The following CA10 variants were observed in gnomAD, a reference collection of about 807,000 sequenced individuals.
CA10 encodes the protein carbonic anhydrase 10 (inactive).
In CA10, 14 loss-of-function variants were observed where a neutral mutation model predicts 44.2. The observed-to-expected ratio is 0.32, with a 90% CI of 0.21 to 0.50. CA10 has a LOEUF of 0.50. Among genes scored for constraint, CA10 ranks in the 20% least tolerant of loss-of-function variants. The pLI is 0.99. For missense variants in CA10, 350 were observed against 409.7 expected (o/e 0.85, Z 1.26); for synonymous variants, 159 against 141.6 (o/e 1.12, Z -0.87).
chr17:51,940,425 C>A (rs964578901), intron 2 of CA10, among the ~76,000 whole-genome samples: 2 of 152,040 alleles, frequency 1.3e-5, no homozygotes, highest in African/African-American at 4.8e-5. Context: ...TCCTAGGAAC[C>A]CTTAAGCTGT....
At position 51,890,360 on chromosome 17, in the gene CA10, T is replaced by A. The variant is rs190857686; in HGVS notation, c.279+40630A>T. 1.8e-4 allele frequency among the ~76,000 whole-genome samples: 28 copies of A among 152,316 alleles called. 1 individual carries two copies. The East Asian group carries it at 5.2e-3, about 28-fold the overall frequency. On this transcript the variant is annotated intron_variant, in intron 3 of 8. Coordinates refer to ENST00000451037, the MANE Select transcript of CA10 (RefSeq NM_020178.5). Reference sequence around the variant, plus strand: ...GTTCGTAAATTCTCGAGTTTAAGACTTGTTGCCATTTGCTCAATATTTTTG... The same window carrying A: ...GTTCGTAAATTCTCGAGTTTAAGACATGTTGCCATTTGCTCAATATTTTTG...
chr17:51,764,915 G>A (rs1905317181), intron 3 of CA10, among the ~76,000 whole-genome samples: 2 of 152,204 alleles, frequency 1.3e-5, no homozygotes, highest in African/African-American at 4.8e-5. Flanking sequence ...TTACTGTGAA[G>A]GGCCTGCAAT....
intron 2 of CA10, among the ~76,000 whole-genome samples, chr17:51,966,926 C>T (rs933157391): frequency 6.6e-6 from 1 of 151,862 alleles, no homozygotes; most frequent in Non-Finnish European, 1.5e-5. Flanking sequence ...ACCACACCTA[C>T]AGAATGGGAG....
Position 51,946,930 on chromosome 17 carries a change from C to T in CA10, c.137-15798G>A, listed in dbSNP as rs183274727. ...AATGCTACCACACCACACAGCTGGACCTTTCTCTTATTCTTGTTTACTTGC... is the reference window on the plus strand; with the variant it reads ...AATGCTACCACACCACACAGCTGGATCTTTCTCTTATTCTTGTTTACTTGC... On this transcript the variant is annotated intron_variant, in intron 2 of 8. Transcript: ENST00000451037. 6.6e-5 allele frequency among the ~76,000 whole-genome samples: 10 copies of T among 152,142 alleles called. No individual in the cohort carries two copies. The East Asian group carries it at 1.7e-3, about 27-fold the overall frequency.
chr17:52,133,142 A>G (rs1476333164), intron 1 of CA10, among the ~76,000 whole-genome samples: 2 of 152,180 alleles, frequency 1.3e-5, no homozygotes, highest in Admixed American at 6.5e-5. Context: ...ATCTGGTACC[A>G]TGCCCTTTGG....
intron 1 of CA10, among the ~76,000 whole-genome samples, chr17:52,150,047 C>T (rs1010000123): frequency 3.3e-5 from 5 of 152,184 alleles, no homozygotes; most frequent in African/African-American, 1.2e-4. Context: ...TCATCCATCA[C>T]ACTACACTCT....
At chr17:51,986,596 C>T (rs564357402) in intron 2 of CA10, among the ~76,000 whole-genome samples, 11 of 151,988 alleles carry the variant, frequency 7.2e-5, no homozygotes, top group African/African-American at 2.7e-4. Context: ...AGAAAATTTT[C>T]ACAGTCTATA....
At chr17:51,731,418 C>G (rs956045701) in intron 4 of CA10, among the ~76,000 whole-genome samples, 7 of 152,078 alleles carry the variant, frequency 4.6e-5, no homozygotes, top group African/African-American at 1.7e-4. Flanking sequence ...AATGAGTAAT[C>G]TGGAACAATA....
intron 2 of CA10, among the ~76,000 whole-genome samples, chr17:52,044,329 G>C (rs570036528): frequency 6.6e-6 from 1 of 152,036 alleles, no homozygotes; most frequent in Admixed American, 6.6e-5. Flanking sequence ...TTTAAGACAG[G>C]GTCTCCCTCT....
chr17:52,053,343 A>G (rs889115749), intron 2 of CA10, among the ~76,000 whole-genome samples: 2 of 152,124 alleles, frequency 1.3e-5, no homozygotes, highest in African/African-American at 4.8e-5. Flanking sequence ...AAACATAACC[A>G]GACATCTGAG....
rs113504895 is a variant in CA10 at position 52,105,045 on chromosome 17, C to A, written c.62-32652G>T. ...GCTCAGCTTCCAGGGATTCTGGTTC[C>A]ATTAGGCTGGGGTAGGGCAACATGG... On this transcript the variant is annotated intron_variant, in intron 1 of 8. Coordinates refer to ENST00000451037, the MANE Select transcript of CA10 (RefSeq NM_020178.5). 6.0e-3 allele frequency among the ~76,000 whole-genome samples: 914 copies of A among 152,212 alleles called. 12 individuals are homozygous for A. The highest frequency in any genetic ancestry group is 0.021 in the African/African-American group (874 of 41,532).
At chr17:52,150,028 A>G (rs1423218706) in intron 1 of CA10, among the ~76,000 whole-genome samples, 1 of 152,106 alleles carries the variant, frequency 6.6e-6, no homozygotes, top group Admixed American at 6.6e-5. Context: ...ATACTCTTCC[A>G]TCTCAACCTC....
chr17:52,111,405 A>G (rs1988786663), intron 1 of CA10, among the ~76,000 whole-genome samples: 1 of 152,210 alleles, frequency 6.6e-6, no homozygotes, highest in Non-Finnish European at 1.5e-5. Flanking sequence ...CATGTAAGTG[A>G]CAGGTGCACT....
intron 3 of CA10, chr17:51,748,520 T>C (rs979244612): frequency 1.2e-4 from 116 of 979,358 alleles, no homozygotes; most frequent in Non-Finnish European, 1.3e-4. Context: ...TGGGACTTGA[T>C]GTTCAGCTTC....
chr17:51,744,390 C>T (rs1441183957), intron 4 of CA10, among the ~76,000 whole-genome samples: 1 of 151,926 alleles, frequency 6.6e-6, no homozygotes, highest in Non-Finnish European at 1.5e-5. Flanking sequence ...GTTTCCCCTG[C>T]TCATTCGAAT....
chr17:51,641,332 TCTTA>T (rs1913078978), intron 6 of CA10, among the ~76,000 whole-genome samples: 1 of 152,144 alleles, frequency 6.6e-6, no homozygotes, highest in Admixed American at 6.5e-5. Flanking sequence ...GAATGTAACC[TCTTA>T]CTTGAGGATA....
rs578139553 is a variant in CA10, at chr17:51,644,084, A to T, written c.634+5098T>A. 2.0e-5 allele frequency among the ~76,000 whole-genome samples: 3 copies of T among 152,228 alleles called. No individual in the cohort carries two copies. The South Asian group carries it at 6.2e-4, about 32-fold the overall frequency. The stretch of plus-strand genomic sequence containing the variant: ...TCCAAAATTCCCAATCCTCTTGGCG[A>T]GATTCTCCCTCTTTCCTCCTTGTAT... On this transcript the variant is annotated intron_variant, in intron 6 of 8. Transcript: ENST00000451037.
At chr17:51,826,194 C>T (rs1908002776) in intron 3 of CA10, among the ~76,000 whole-genome samples, 1 of 152,148 alleles carries the variant, frequency 6.6e-6, no homozygotes, top group South Asian at 2.1e-4. Context: ...CGTGGAAGAA[C>T]TGAAGTGTAC....
At chr17:51,891,783 T>A (rs1020144795) in intron 3 of CA10, among the ~76,000 whole-genome samples, 2 of 152,152 alleles carry the variant, frequency 1.3e-5, no homozygotes, top group African/African-American at 2.4e-5. Flanking sequence ...TAGCTTTCAC[T>A]CTCACGATGG....
Sources: gnomAD v4.1 joint callset for allele counts (sites outside exome capture counted in the v4.1 genomes callset) on GRCh38, gnomAD v4.1.1 for gene constraint, MANE v1.5 for transcripts, NCBI Gene and HGNC (gene_info 2026-07-23, HGNC 2026-07-21) for gene names.